Variants in PIP5KL1 observed in about 807,000 individuals in gnomAD.
PIP5KL1 encodes the protein phosphatidylinositol 4-phosphate 5-kinase-like protein 1.
A neutral mutation model predicts 47.6 loss-of-function variants in PIP5KL1; 45 were observed. That is an observed-to-expected ratio of 0.94 (90% CI 0.74 to 1.21). The LOEUF is 1.21. Ranked by LOEUF, PIP5KL1 falls within the 50% of genes most tolerant of loss-of-function variation. The probability of loss-of-function intolerance (pLI) is 0.00; values close to 1 mark genes in which losing one functional copy is unlikely to be tolerated. For synonymous variants in PIP5KL1, 256 were observed against 234.6 expected, an observed-to-expected ratio of 1.09 and a Z score of -0.84; for missense variants, 577 against 547.6, an observed-to-expected ratio of 1.05 and a Z score of -0.54.
intron 1 of PIP5KL1, among the ~76,000 whole-genome samples, chr9:127,930,156 A>G (rs1362384763): frequency 1.3e-5 from 2 of 152,180 alleles, no homozygotes; most frequent in African/African-American, 4.8e-5. Context: ...ACCGTCTCTC[A>G]CCAACCTTGT....
intron 2 of PIP5KL1, 75 bp from the exon 3 acceptor site, chr9:127,928,558 G>A: frequency 2.2e-6 from 3 of 1,390,748 alleles, no homozygotes; most frequent in Non-Finnish European, 2.9e-6. Context: ...CAGATGTCCT[G>A]CACCTGGCCC....
In PIP5KL1 at chr9:127,927,277, C is replaced by T. The variant is rs1349374558; in HGVS notation, c.594+20G>A. The T allele has an allele frequency of 6.2e-7, 1 of 1,611,490 alleles. No individual in the cohort carries two copies. Among genetic ancestry groups the T allele is most frequent in the Non-Finnish European group, 8.5e-7 (1 of 1,179,342 alleles). On this transcript the variant is annotated intron_variant, in intron 6 of 9. Coordinates refer to ENST00000388747, the MANE Select transcript of PIP5KL1 (RefSeq NM_001135219.2). The surrounding 1 kb of genome is among the most constrained non-coding windows in gnomAD (Gnocchi z 5.5). ...CCAGCCGCCCGCTCCGCCCAGCCAC[C>T]TCGCCTCGGCTTCACCCACCTTCTT... is the stretch of plus-strand genomic sequence containing the variant.
chr9:127,922,599 C>T lies in PIP5KL1; in HGVS notation c.918-485G>A, dbSNP rs1027832064. Among the ~76,000 whole-genome samples, 36 of 144,690 alleles carry T rather than the reference C, an allele frequency of 2.5e-4. 1 individual carries two copies. The highest frequency in any genetic ancestry group is 2.0e-3 in the Admixed American group (27 of 13,596). The allele number at this position is 144,690 out of a possible 152,430, so 94.9% of individuals were successfully genotyped here. A position where few individuals can be genotyped will look rare whatever the true frequency, so the allele number is the denominator to read the frequency against. On this transcript the variant is annotated intron_variant, in intron 9 of 9. Transcript: ENST00000388747. ...ATCCCAGCTGCTCAGGAGGCTGAGG[C>T]AGGAGAATCGCTTGAACCCGGGAGG... is the stretch of plus-strand genomic sequence containing the variant.
chr9:127,922,290 C>T (rs1392851958), intron 9 of PIP5KL1, among the ~76,000 whole-genome samples, 176 bp from the exon 10 acceptor site: 2 of 151,088 alleles, frequency 1.3e-5, no homozygotes, highest in Non-Finnish European at 1.5e-5. Flanking sequence ...GCTAGAGGTG[C>T]ACTGTTCAGT....
At chr9:127,930,611 A>C in intron 1 of PIP5KL1, 112 bp downstream of exon 1, 1 of 1,298,854 alleles carries the variant, frequency 7.7e-7, no homozygotes, top group South Asian at 1.8e-5. Flanking sequence ...CGCCGGCTGC[A>C]GGGCCCCTCC....
rs754231608 is a variant in PIP5KL1 at position 127,929,819 on chromosome 9, G to A, written c.97C>T (p.Arg33Cys). 6.5e-6 allele frequency: 10 copies of A among 1,548,890 alleles called. No homozygotes were observed. Among genetic ancestry groups the A allele is most frequent in the East Asian group, 4.9e-5 (2 of 40,986 alleles). The change falls in exon 2 of 10, where the codon CGC becomes TGC. Residue 33 changes from arginine (R) to cysteine (C), a missense_variant. Coordinates refer to ENST00000388747, the MANE Select transcript of PIP5KL1 (RefSeq NM_001135219.2). The surrounding 1 kb of genome is among the most constrained non-coding windows in gnomAD (Gnocchi z 4.0). ...AGGCGAGACTGCTTGTCTCGGAGGC[G>A]CCAGAGAAGCCCCCGCCGGCTGGAG... ...VTSSRRGLLW[R>C]LRDKQSRLGL...
chr9:127,921,093 G>A lies in PIP5KL1; in HGVS notation c.*754C>T, dbSNP rs1352065148. 1 of 152,430 alleles carries A rather than the reference G, an allele frequency of 6.6e-6. No individual in the cohort carries two copies. The highest frequency in any genetic ancestry group is 2.4e-5 in the African/African-American group (1 of 41,480). 9.4% of individuals were successfully genotyped at this position (152,430 alleles called of 1,614,324 possible). A position where few individuals can be genotyped will look rare whatever the true frequency, so the allele number is the denominator to read the frequency against. ...CCAGGCTGGAGTTTCCTGGAGGAAG[G>A]AGAAGGAGTGATCAGGGGCATGCAG... On this transcript the variant is annotated 3_prime_UTR_variant, in exon 10 of 10. Transcript: ENST00000388747.
At chr9:127,922,694 C>CAAAAAAAAAAAAA (rs386416269) in intron 9 of PIP5KL1, among the ~76,000 whole-genome samples, 1 of 89,500 alleles carries the variant, frequency 1.1e-5, no homozygotes, top group Non-Finnish European at 2.1e-5. Flanking sequence ...GACTCTGTCT[C>CAAAAAAAAAAAAA]AAAAAAAAAA....
chr9:127,922,930 G>T (rs1177749829), intron 9 of PIP5KL1, among the ~76,000 whole-genome samples: 1 of 152,094 alleles, frequency 6.6e-6, no homozygotes, highest in Admixed American at 6.6e-5. Flanking sequence ...GGTAGCACTG[G>T]TCTATAGCTT....
chr9:127,930,597 T>G (rs1049392967), intron 1 of PIP5KL1, 126 bp downstream of exon 1: 1 of 1,219,932 alleles, frequency 8.2e-7, no homozygotes, highest in South Asian at 1.9e-5. Flanking sequence ...CGTGTCCTGG[T>G]CTTCGCCGGC....
intron 7 of PIP5KL1, 137 bp from the exon 8 acceptor site, chr9:127,926,116 C>G: frequency 2.1e-6 from 1 of 471,554 alleles, no homozygotes; most frequent in Non-Finnish European, 3.7e-6. Context: ...CCTGGCCTGT[C>G]TTTTTCTCTT....
In PIP5KL1 at chr9:127,927,779, G is replaced by A; in HGVS notation, c.435-7C>T. 3 of 1,559,844 alleles carry A rather than the reference G, an allele frequency of 1.9e-6. No homozygotes were observed. Among genetic ancestry groups the A allele is most frequent in the Non-Finnish European group, 2.6e-6 (3 of 1,153,332 alleles). ...GAAGAAGCGCTGGTCGTGGCTGGGG[G>A]GCAAGAGAAAGAGGTCACTGCCCAG... On this transcript the variant is annotated splice_region_variant and splice_polypyrimidine_tract_variant and intron_variant, in intron 4 of 9. Transcript: ENST00000388747. This position sits in a 1 kb window ranked among gnomAD's most constrained non-coding sequence, Gnocchi z 5.5.
chr9:127,926,971 T>G (rs1831370478), intron 7 of PIP5KL1, among the ~76,000 whole-genome samples, 182 bp downstream of exon 7: 1 of 152,220 alleles, frequency 6.6e-6, no homozygotes, highest in Non-Finnish European at 1.5e-5. Context: ...ACACGGCGCC[T>G]AACGCACACT....
At position 127,921,800 on chromosome 9, in the gene PIP5KL1, T is replaced by C. The variant is rs1831284316; in HGVS notation, c.*47A>G. Reference sequence around the variant, plus strand: ...CCGGGCCCGGGGGAACCGGCGTTCCTGGCGTGAGCCCATCGTCCAGATCCG... The same window carrying C: ...CCGGGCCCGGGGGAACCGGCGTTCCCGGCGTGAGCCCATCGTCCAGATCCG... On this transcript the variant is annotated 3_prime_UTR_variant, in exon 10 of 10. Transcript: ENST00000388747. 1 of 1,524,238 alleles carries C rather than the reference T, an allele frequency of 6.6e-7. No homozygotes were observed. The highest frequency in any genetic ancestry group is 8.8e-7 in the Non-Finnish European group (1 of 1,137,716). The allele number at this position is 1,524,238 out of a possible 1,614,324, so 94.4% of individuals were successfully genotyped here. A position where few individuals can be genotyped will look rare whatever the true frequency, so the allele number is the denominator to read the frequency against.
rs1270696611 is a variant in PIP5KL1 at position 127,927,551 on chromosome 9, A to C, written c.559+97T>G. On this transcript the variant is annotated intron_variant, in intron 5 of 9. Coordinates refer to ENST00000388747, the MANE Select transcript of PIP5KL1 (RefSeq NM_001135219.2). The surrounding 1 kb of genome is among the most constrained non-coding windows in gnomAD (Gnocchi z 5.5). The stretch of plus-strand genomic sequence containing the variant: ...CCCACCCCCATGCCCTACAACCCCA[A>C]ATCCGCCCATTTGGGCCCCGCCCAC... 126 of 1,223,128 alleles carry C rather than the reference A, an allele frequency of 1.0e-4. No homozygotes were observed. In the African/African-American group the frequency reaches 1.9e-3, roughly 18 times the overall value. 75.8% of individuals were successfully genotyped at this position (1,223,128 alleles called of 1,614,324 possible).
chr9:127,928,383 A>T (rs978813130), intron 3 of PIP5KL1, 50 bp downstream of exon 3: 1 of 1,564,974 alleles, frequency 6.4e-7, no homozygotes, highest in East Asian at 2.3e-5. Context: ...TGCAGAGGAG[A>T]GAGCAAGACC....
At position 127,926,089 on chromosome 9, in the gene PIP5KL1, C is replaced by G. The variant is rs564905411; in HGVS notation, c.651-110G>C. ...CACTGAACTATTACAGAGATCATCC[C>G]CAGTCCTCAGCACAACCCTGGCCTG... On this transcript the variant is annotated intron_variant, in intron 7 of 9. Coordinates refer to ENST00000388747, the MANE Select transcript of PIP5KL1 (RefSeq NM_001135219.2). 31 of 672,886 alleles carry G rather than the reference C, an allele frequency of 4.6e-5. No individual in the cohort carries two copies. In the Admixed American group the frequency reaches 8.3e-4, roughly 18 times the overall value. 41.7% of individuals were successfully genotyped at this position (672,886 alleles called of 1,614,324 possible).
Position 127,930,000 on chromosome 9 carries a change from A to G in PIP5KL1, c.31-115T>C, listed in dbSNP as rs972443429. 2.2e-5 allele frequency: 23 copies of G among 1,026,228 alleles called. No individual in the cohort carries two copies. The highest frequency in any genetic ancestry group is 2.9e-5 in the Admixed American group (1 of 34,448). The allele number at this position is 1,026,228 out of a possible 1,614,324, so 63.6% of individuals were successfully genotyped here. A position where few individuals can be genotyped will look rare whatever the true frequency, so the allele number is the denominator to read the frequency against. ...CTTCCCCTCATCTCTCTCTGCCTCA[A>G]TTTCTTCAGCTGTAAAATAGAGATG... On this transcript the variant is annotated intron_variant, in intron 1 of 9. Coordinates refer to ENST00000388747, the MANE Select transcript of PIP5KL1 (RefSeq NM_001135219.2). The surrounding 1 kb of genome is among the most constrained non-coding windows in gnomAD (Gnocchi z 4.0).
In PIP5KL1 at chr9:127,929,143, T is replaced by C. The variant is rs1178925163; in HGVS notation, c.228+545A>G. Among the ~76,000 whole-genome samples the C allele has an allele frequency of 6.6e-6, 1 of 152,200 alleles. No individual in the cohort carries two copies. The highest frequency in any genetic ancestry group is 2.4e-5 in the African/African-American group (1 of 41,440). The stretch of plus-strand genomic sequence containing the variant: ...AGAGAACTCCCTCGAGTCTCTACAC[T>C]TTCCCTGGATCTCCAGGTCCCTGTG... On this transcript the variant is annotated intron_variant, in intron 2 of 9. Transcript: ENST00000388747. This position sits in a 1 kb window ranked among gnomAD's most constrained non-coding sequence, Gnocchi z 4.0.
Sources: allele counts gnomAD v4.1 joint callset (sites outside exome capture counted in the v4.1 genomes callset), GRCh38; gene constraint gnomAD v4.1.1; non-coding constraint Gnocchi (gnomAD v3.1); transcripts MANE v1.5; gene names NCBI Gene and HGNC (gene_info 2026-07-23, HGNC 2026-07-21).